CENPW: variants seen among roughly 807,000 people sequenced by gnomAD.
CENPW encodes the protein centromere protein W, also known as cancer-up-regulated gene 2 protein.
In CENPW, 3 loss-of-function variants were observed where a neutral mutation model predicts 11.1. That is an observed-to-expected ratio of 0.27 (90% CI 0.12 to 0.70). CENPW has a LOEUF of 0.70. Ranked by LOEUF, CENPW falls within the 30% of genes least tolerant of loss-of-function variation. The pLI, the probability that CENPW is intolerant of heterozygous loss-of-function variation, is 0.77. For synonymous variants in CENPW, 38 were observed against 42.0 expected, an observed-to-expected ratio of 0.91 and a Z score of 0.37; for missense variants, 100 against 105.6, an observed-to-expected ratio of 0.95 and a Z score of 0.23.
the CENPW span, among the ~76,000 whole-genome samples, chr6:126,432,266 A>T: frequency 6.6e-6 from 1 of 152,012 alleles, no homozygotes; most frequent in East Asian, 1.9e-4. Flanking sequence ...CTATGTTCCC[A>T]ATACACTTGC....
At chr6:126,428,937 G>A in the CENPW span, among the ~76,000 whole-genome samples, 4 of 151,912 alleles carry the variant, frequency 2.6e-5, no homozygotes, top group Non-Finnish European at 5.9e-5. Context: ...TATTAGTTCT[G>A]TTTCTGTATA....
chr6:126,441,698 T>C, the CENPW span, among the ~76,000 whole-genome samples: 2 of 151,580 alleles, frequency 1.3e-5, no homozygotes, highest in Non-Finnish European at 3.0e-5. Context: ...AGTGAGAATA[T>C]ACAATGTGTG....
the CENPW span, among the ~76,000 whole-genome samples, chr6:126,423,364 A>T: frequency 6.6e-6 from 1 of 152,134 alleles, no homozygotes; most frequent in Non-Finnish European, 1.5e-5. Flanking sequence ...ACTTGCTTGA[A>T]ATTGACATAT....
the CENPW span, among the ~76,000 whole-genome samples, chr6:126,474,799 G>T: frequency 6.6e-6 from 1 of 152,120 alleles, no homozygotes; most frequent in Non-Finnish European, 1.5e-5. Flanking sequence ...ATTTCTAAAA[G>T]TAACTGTGGA....
chr6:126,404,730 T>A, the CENPW span, among the ~76,000 whole-genome samples: 2 of 152,088 alleles, frequency 1.3e-5, no homozygotes, highest in Non-Finnish European at 2.9e-5. Flanking sequence ...ATATTGTGTT[T>A]GTGATTTGCA....
At chr6:126,471,317 A>G in the CENPW span, among the ~76,000 whole-genome samples, 2 of 152,136 alleles carry the variant, frequency 1.3e-5, no homozygotes, top group African/African-American at 4.8e-5. Context: ...CTCTCCTGCC[A>G]TCATGTGAAG....
At chr6:126,345,834 T>C (rs1456611918) in intron 1 of CENPW, among the ~76,000 whole-genome samples, 2 of 152,198 alleles carry the variant, frequency 1.3e-5, no homozygotes, top group African/African-American at 2.4e-5. Context: ...GTTGATATGT[T>C]TTGATTTAAA....
At chr6:126,406,602 C>T in the CENPW span, among the ~76,000 whole-genome samples, 1 of 151,956 alleles carries the variant, frequency 6.6e-6, no homozygotes, top group Non-Finnish European at 1.5e-5. Flanking sequence ...GCCTGTAATC[C>T]CATCACTTTG....
chr6:126,423,778 A>G, the CENPW span, among the ~76,000 whole-genome samples: 1,276 of 151,950 alleles, frequency 8.4e-3, 15 homozygotes, highest in African/African-American at 0.03. Flanking sequence ...TATGTATTTT[A>G]AGTTGTTACT....
At chr6:126,430,824 G>T in the CENPW span, among the ~76,000 whole-genome samples, 1 of 152,036 alleles carries the variant, frequency 6.6e-6, no homozygotes, top group African/African-American at 2.4e-5. Flanking sequence ...GGAGGCTGAG[G>T]CAGGAGAATT....
chr6:126,393,877 A>G, the CENPW span, among the ~76,000 whole-genome samples: 4 of 151,788 alleles, frequency 2.6e-5, no homozygotes, highest in Non-Finnish European at 5.9e-5. Flanking sequence ...TTATCATTAT[A>G]TAATGACATT....
chr6:126,346,010 C>T (rs982458025), intron 1 of CENPW, among the ~76,000 whole-genome samples, 195 bp from the exon 2 acceptor site: 4 of 152,100 alleles, frequency 2.6e-5, no homozygotes, highest in East Asian at 1.9e-4. Flanking sequence ...ATTGCAATGA[C>T]GAAGTCTCTT....
the CENPW span, among the ~76,000 whole-genome samples, chr6:126,380,668 A>G: frequency 1.3e-5 from 2 of 152,148 alleles, no homozygotes; most frequent in African/African-American, 4.8e-5. Context: ...AAAATATTTT[A>G]TTTGCTTATT....
chr6:126,469,889 G>A, the CENPW span, among the ~76,000 whole-genome samples: 1 of 152,146 alleles, frequency 6.6e-6, no homozygotes, highest in South Asian at 2.1e-4. Flanking sequence ...TTCAAGAGGT[G>A]ACCTCACTGA....
At chr6:126,482,453 G>A in the CENPW span, among the ~76,000 whole-genome samples, 2 of 151,886 alleles carry the variant, frequency 1.3e-5, no homozygotes, top group South Asian at 4.2e-4. Context: ...TGACAATAAT[G>A]TTCTATATTT....
the CENPW span, among the ~76,000 whole-genome samples, chr6:126,460,481 T>A: frequency 6.6e-6 from 1 of 151,792 alleles, no homozygotes; most frequent in Non-Finnish European, 1.5e-5. Flanking sequence ...CTTTTTAGCC[T>A]CAAATGTCAA....
chr6:126,445,114 A>T, the CENPW span, among the ~76,000 whole-genome samples: 2 of 151,094 alleles, frequency 1.3e-5, no homozygotes, highest in Non-Finnish European at 3.0e-5. Context: ...AATGCCTTCA[A>T]ATTGACTCAC....
the CENPW span, among the ~76,000 whole-genome samples, chr6:126,383,095 C>T: frequency 6.6e-6 from 1 of 152,222 alleles, no homozygotes; most frequent in East Asian, 1.9e-4. Flanking sequence ...TTCCACAAGT[C>T]AGAAGAGATT....
At chr6:126,417,897 A>G in the CENPW span, among the ~76,000 whole-genome samples, 1 of 152,236 alleles carries the variant, frequency 6.6e-6, no homozygotes, top group African/African-American at 2.4e-5. Flanking sequence ...CAGAATATAT[A>G]CATAACTTTT....
Sources: allele counts gnomAD v4.1 joint callset (sites outside exome capture counted in the v4.1 genomes callset), GRCh38; gene constraint gnomAD v4.1.1; transcripts MANE v1.5; gene names NCBI Gene and HGNC (gene_info 2026-07-23, HGNC 2026-07-21).